Variants in VDAC3 observed in about 807,000 individuals in gnomAD.
VDAC3 encodes voltage dependent anion channel 3.
VDAC3 carries 7 observed loss-of-function variants against 33.9 expected under a neutral mutation model. The ratio of observed to expected loss-of-function variants is 0.21; its 90% CI spans 0.12 to 0.39. The LOEUF (loss-of-function observed/expected upper bound fraction) is 0.39. Ranked by LOEUF, VDAC3 falls within the 10% of genes least tolerant of loss-of-function variation. The pLI, the probability that VDAC3 is intolerant of heterozygous loss-of-function variation, is 1.00. For missense variants in VDAC3, 261 were observed against 334.5 expected (o/e 0.78, Z 1.71); for synonymous variants, 100 against 122.4 (o/e 0.82, Z 1.21).
At chr8:42,400,154 G>A (rs969169369) in intron 6 of VDAC3, among the ~76,000 whole-genome samples, 1 of 151,926 alleles carries the variant, frequency 6.6e-6, no homozygotes. Context: ...TGGCTAACAC[G>A]GTGAAACCCC....
rs921288609 is a variant in VDAC3, at chr8:42,405,542, C to T, written c.*80C>T. ...ACTATGTTTTGGCCTTAAAATTCTT[C>T]TGTGAAATTTCAAAAGTGTGAACTT... On this transcript the variant is annotated 3_prime_UTR_variant, in exon 10 of 10. Coordinates refer to ENST00000022615, the MANE Select transcript of VDAC3 (RefSeq NM_005662.7). The T allele has an allele frequency of 3.2e-6, 4 of 1,231,508 alleles. No individual in the cohort carries two copies. In the African/African-American group the frequency reaches 4.5e-5, roughly 14 times the overall value. The allele number at this position is 1,231,508 out of a possible 1,614,324, so 76.3% of individuals were successfully genotyped here.
chr8:42,395,160 A>G (rs367582045), intron 4 of VDAC3, 27 bp downstream of exon 4: 36 of 1,613,004 alleles, frequency 2.2e-5, no homozygotes, highest in Non-Finnish European at 3.0e-5. Context: ...TTTTTAATGA[A>G]TGTAACATAA....
rs1419802247 is a variant in VDAC3, at chr8:42,398,657, A to C, written c.118-55A>C. 2.5e-5 allele frequency: 39 copies of C among 1,572,452 alleles called. No homozygotes were observed. The South Asian group carries it at 4.3e-4, about 17-fold the overall frequency. Reference sequence around the variant, plus strand: ...CATTGAACACTGCTTTCCAAAGTGAATATTTTCTATTTGATGAGCTAATTT... The same window carrying C: ...CATTGAACACTGCTTTCCAAAGTGACTATTTTCTATTTGATGAGCTAATTT... On this transcript the variant is annotated intron_variant, in intron 4 of 9. Coordinates refer to ENST00000022615, the MANE Select transcript of VDAC3 (RefSeq NM_005662.7).
intron 8 of VDAC3, 137 bp downstream of exon 8, chr8:42,403,598 A>C: frequency 2.0e-6 from 2 of 999,612 alleles, no homozygotes; most frequent in Non-Finnish European, 2.8e-6. Context: ...AAGGAATATA[A>C]TGTGGCCAGG....
At position 42,403,315 on chromosome 8, in the gene VDAC3, G is replaced by A. The variant is rs769298332; in HGVS notation, c.556G>A (p.Asp186Asn). 60 of 1,613,812 alleles carry A rather than the reference G, an allele frequency of 3.7e-5. No homozygotes were observed. Among genetic ancestry groups the A allele is most frequent in the Admixed American group, 5.0e-5 (3 of 59,934 alleles). ...TTTTCTTATCTATGAAAACAGGAAC[G>A]ATGGCACTGAATTTGGAGGTTCTAT... ...ADFQLHTHVN[D>N]GTEFGGSIYQ... The change falls in exon 8 of 10, where the codon GAT becomes AAT. Residue 186 changes from aspartate (D) to asparagine (N), a missense_variant. By Grantham distance (23) the Asp-to-Asn change is conservative (BLOSUM62 1). Transcript: ENST00000022615.
rs765706514 is a variant in VDAC3 at position 42,401,937 on chromosome 8, A to G, written c.473A>G (p.Asp158Gly). 3 of 1,614,182 alleles carry G rather than the reference A, an allele frequency of 1.9e-6. No individual in the cohort carries two copies. Among genetic ancestry groups the G allele is most frequent in the African/African-American group, 2.7e-5 (2 of 75,032 alleles). The change falls in exon 7 of 10, where the codon GAC (aspartate) becomes GGC (glycine). Residue 158 changes from aspartate to glycine, a missense_variant. Asp to Gly is a moderately conservative substitution (Grantham distance 94). Coordinates refer to ENST00000022615, the MANE Select transcript of VDAC3 (RefSeq NM_005662.7). ...CTTGCTGGCTATCAGATGAGTTTTG[A>G]CACAGCCAAATCCAAACTGTCACAG... Reference protein sequence around the residue: ...GWLAGYQMSFDTAKSKLSQNN... With the variant: ...GWLAGYQMSFGTAKSKLSQNN...
intron 6 of VDAC3, 116 bp from the exon 7 acceptor site, chr8:42,401,672 C>A: frequency 1.1e-6 from 1 of 930,664 alleles, no homozygotes; most frequent in Non-Finnish European, 1.7e-6. Flanking sequence ...TGGCATGTAC[C>A]AAAATAATAT....
chr8:42,395,707 C>A (rs1397354974), intron 4 of VDAC3, among the ~76,000 whole-genome samples: 3 of 152,158 alleles, frequency 2.0e-5, no homozygotes, highest in Non-Finnish European at 4.4e-5. Context: ...CACCTGTAAT[C>A]CCAGCACTTT....
chr8:42,399,006 G>A (rs1203323549), intron 5 of VDAC3, 142 bp downstream of exon 5: 4 of 870,982 alleles, frequency 4.6e-6, no homozygotes, highest in Middle Eastern at 2.6e-4. Flanking sequence ...CTTTTTTGAT[G>A]TCTTATGTTT....
At position 42,396,085 on chromosome 8, in the gene VDAC3, G is replaced by A. The variant is rs186911837; in HGVS notation, c.117+952G>A. Among the ~76,000 whole-genome samples the A allele has an allele frequency of 5.0e-4, 76 of 151,948 alleles. No individual in the cohort carries two copies. In the Middle Eastern group the frequency reaches 0.014, roughly 27 times the overall value. ...ATCCTGGCTAATATGGTGAAACCCC[G>A]TCTCTACTAAAAATACAAAAAAATT... On this transcript the variant is annotated intron_variant, in intron 4 of 9. Coordinates refer to ENST00000022615, the MANE Select transcript of VDAC3 (RefSeq NM_005662.7).
chr8:42,393,122 C>T (rs1824900456), intron 1 of VDAC3, among the ~76,000 whole-genome samples: 1 of 151,802 alleles, frequency 6.6e-6, no homozygotes, highest in African/African-American at 2.4e-5. Flanking sequence ...TAGTGTCTGT[C>T]ATATTTGACA....
chr8:42,403,917 A>C (rs1312406147), intron 8 of VDAC3, among the ~76,000 whole-genome samples: 2 of 152,012 alleles, frequency 1.3e-5, no homozygotes, highest in Non-Finnish European at 2.9e-5. Flanking sequence ...ACGTCAGGAA[A>C]TAGGGGTTCT....
At chr8:42,396,602 G>A in intron 4 of VDAC3, 1 of 679,608 alleles carries the variant, frequency 1.5e-6, no homozygotes, top group South Asian at 1.6e-5. Flanking sequence ...TTGCTCATTA[G>A]GTTTGTGTTG....
chr8:42,402,093 T>C (rs990342653), intron 7 of VDAC3, 78 bp downstream of exon 7: 65 of 1,411,400 alleles, frequency 4.6e-5, no homozygotes, highest in Non-Finnish European at 6.0e-5. Flanking sequence ...TGAGAAGTGA[T>C]GGTACTCAGA....
At position 42,405,882 on chromosome 8, in the gene VDAC3, C is replaced by T. The variant is rs1243096319; in HGVS notation, c.*420C>T. ...TCATAGTAAAATAAAATAAACCCAT[C>T]ACATTTGGAACATAACTGCTCATGT... On this transcript the variant is annotated 3_prime_UTR_variant, in exon 10 of 10. Transcript: ENST00000022615. 6.4e-6 allele frequency: 1 copy of T among 155,312 alleles called. No individual in the cohort carries two copies. Among genetic ancestry groups the T allele is most frequent in the African/African-American group, 2.4e-5 (1 of 41,472 alleles). The allele number at this position is 155,312 out of a possible 1,614,324, so 9.6% of individuals were successfully genotyped here.
At chr8:42,402,392 A>G (rs917778963) in intron 7 of VDAC3, among the ~76,000 whole-genome samples, 4 of 152,186 alleles carry the variant, frequency 2.6e-5, no homozygotes, top group Non-Finnish European at 4.4e-5. Context: ...TTGGTCACCA[A>G]CAACCACCAC....
At chr8:42,394,303 A>G in intron 3 of VDAC3, 25 bp downstream of exon 3, 1 of 1,604,648 alleles carries the variant, frequency 6.2e-7, no homozygotes, top group Non-Finnish European at 8.5e-7. Context: ...GTAACTTTCC[A>G]GTTTGGGGTA....
intron 6 of VDAC3, among the ~76,000 whole-genome samples, chr8:42,400,019 T>G (rs991822011): frequency 1.3e-5 from 2 of 152,222 alleles, no homozygotes; most frequent in Non-Finnish European, 2.9e-5. Context: ...TGAAGATTGA[T>G]GGACATGGTA....
rs781563158 is a variant in VDAC3 at position 42,405,400 on chromosome 8, G to A, written c.790G>A (p.Asp264Asn). The change falls in exon 10 of 10, where the codon GAT (aspartate) becomes AAT (asparagine). Residue 264 changes from aspartate (D) to asparagine (N), a missense_variant. Physicochemically the swap from Asp to Asn is conservative, Grantham distance 23. Coordinates refer to ENST00000022615, the MANE Select transcript of VDAC3 (RefSeq NM_005662.7). The part of the protein sequence containing the change: ...GVKLTLSALI[D>N]GKNFSAGGHK... ...CAAATTGACTTTATCAGCTTTAATC[G>A]ATGGGAAGAACTTCAGTGCAGGAGG... 6.2e-6 allele frequency: 10 copies of A among 1,612,728 alleles called. No individual in the cohort carries two copies. Among genetic ancestry groups the A allele is most frequent in the Middle Eastern group, 1.9e-4 (1 of 5,142 alleles).
Sources: gnomAD v4.1 joint callset for allele counts (sites outside exome capture counted in the v4.1 genomes callset) on GRCh38, gnomAD v4.1.1 for gene constraint, MANE v1.5 for transcripts, NCBI Gene and HGNC (gene_info 2026-07-23, HGNC 2026-07-21) for gene names.